HOXA3: variants seen among roughly 807,000 people sequenced by gnomAD.
HOXA3 encodes the protein homeobox A3, also known as homeobox protein Hox-A3.
A neutral mutation model predicts 30.3 loss-of-function variants in HOXA3; 8 were observed. The ratio of observed to expected loss-of-function variants is 0.26; its 90% CI spans 0.15 to 0.48. HOXA3 has a LOEUF of 0.48. Among genes scored for constraint, HOXA3 ranks in the 20% least tolerant of loss-of-function variants. The pLI is 0.99. For synonymous variants in HOXA3, 323 were observed against 273.1 expected, an observed-to-expected ratio of 1.18 and a Z score of -1.80; for missense variants, 653 against 614.4, an observed-to-expected ratio of 1.06 and a Z score of -0.66.
At position 27,147,753 on chromosome 7, in the gene HOXA3, C is replaced by T. The variant is rs758058929; in HGVS notation, c.-494+4535G>A. 8 of 1,602,024 alleles carry T rather than the reference C, an allele frequency of 5.0e-6. No homozygotes were observed. The East Asian group carries it at 8.9e-5, about 18-fold the overall frequency. ...GATTCACAAAATAGGAACTCATTTG[C>T]GCGCCCCTCTGCAGGACTGTGATTT... On this transcript the variant is annotated intron_variant, in intron 1 of 5. Coordinates refer to ENST00000612286, the MANE Select transcript of HOXA3 (RefSeq NM_153631.3).
intron 2 of HOXA3, chr7:27,130,005 G>T: frequency 7.9e-7 from 1 of 1,258,634 alleles, no homozygotes; most frequent in Non-Finnish European, 1.1e-6. Flanking sequence ...GGGTCAGATG[G>T]GGGCTCCCCT....
chr7:27,111,618 C>A (rs551296086), intron 4 of HOXA3, among the ~76,000 whole-genome samples: 6 of 152,216 alleles, frequency 3.9e-5, no homozygotes, highest in African/African-American at 9.6e-5. Context: ...CACTTCCCAG[C>A]AAGCCACCCC....
rs916640918 is a variant in HOXA3, at chr7:27,144,009, T to G, written c.-493-3823A>C. Among the ~76,000 whole-genome samples, 3 of 152,206 alleles carry G rather than the reference T, an allele frequency of 2.0e-5. No individual in the cohort carries two copies. The South Asian group carries it at 6.2e-4, about 31-fold the overall frequency. On this transcript the variant is annotated intron_variant, in intron 1 of 5. Coordinates refer to ENST00000612286, the MANE Select transcript of HOXA3 (RefSeq NM_153631.3). ...GAGGTTACAGCCCATTATGGCAAAATTATTGCATTTCCCTCGCAGTTCCAT... is the reference window on the plus strand; with the variant it reads ...GAGGTTACAGCCCATTATGGCAAAAGTATTGCATTTCCCTCGCAGTTCCAT...
chr7:27,107,769 C>G lies in HOXA3; in HGVS notation c.*146G>C. 1 of 553,604 alleles carries G rather than the reference C, an allele frequency of 1.8e-6. No individual in the cohort carries two copies. The allele number at this position is 553,604 out of a possible 1,614,324, so 34.3% of individuals were successfully genotyped here. The stretch of plus-strand genomic sequence containing the variant: ...AACGCCTTACCAACGAGGGGGGAAA[C>G]CGGGAAACGGAGTGCGGGGCGGAGA... On this transcript the variant is annotated 3_prime_UTR_variant, in exon 6 of 6. Transcript: ENST00000612286.
intron 2 of HOXA3, among the ~76,000 whole-genome samples, chr7:27,137,917 G>A (rs1055343241): frequency 6.6e-6 from 1 of 152,060 alleles, no homozygotes; most frequent in Admixed American, 6.6e-5. Flanking sequence ...TTCTGTGTAA[G>A]TAACTCAAAT....
intron 1 of HOXA3, chr7:27,143,556 C>G (rs1782651765): frequency 6.2e-7 from 1 of 1,608,066 alleles, no homozygotes. Context: ...AACTGGTAGT[C>G]CGGGCCATTT....
chr7:27,110,516 T>C lies in HOXA3; in HGVS notation c.125A>G (p.Asp42Gly). 6.2e-7 allele frequency: 1 copy of C among 1,606,080 alleles called. No individual in the cohort carries two copies. The highest frequency in any genetic ancestry group is 1.1e-5 in the South Asian group (1 of 90,888). Residue 42 changes from aspartate to glycine, a missense_variant, in exon 5 of 6, where the codon GAC becomes GGC. Coordinates refer to ENST00000612286, the MANE Select transcript of HOXA3 (RefSeq NM_153631.3). ...GCAGGCGGGTCGGTGGTACTCGCCG[T>C]CGGCGCCCAAAGCGGCGGACGCCGG... is the stretch of plus-strand genomic sequence containing the variant. ...PYPASAALGADGEYHRPACSL... is the reference protein window; with the variant it reads ...PYPASAALGAGGEYHRPACSL...
chr7:27,151,833 T>C (rs1782981968), intron 1 of HOXA3, among the ~76,000 whole-genome samples: 1 of 152,228 alleles, frequency 6.6e-6, no homozygotes, highest in South Asian at 2.1e-4. Context: ...TGGTCTCCTC[T>C]TGTTGGGGAA....
chr7:27,139,828 T>G (rs1782476935), intron 2 of HOXA3, among the ~76,000 whole-genome samples: 2 of 152,096 alleles, frequency 1.3e-5, no homozygotes, highest in Admixed American at 1.3e-4. Flanking sequence ...GCAGCGGAAG[T>G]CATTAACATC....
chr7:27,129,669 G>A (rs1396282703), intron 2 of HOXA3: 1 of 1,293,056 alleles, frequency 7.7e-7, no homozygotes, highest in Non-Finnish European at 1.1e-6. Context: ...AAGAGCAATT[G>A]GACATCATCA....
chr7:27,131,995 A>G (rs1283455079), intron 2 of HOXA3, among the ~76,000 whole-genome samples: 1 of 152,208 alleles, frequency 6.6e-6, no homozygotes, highest in Non-Finnish European at 1.5e-5. Context: ...GGGTACACTA[A>G]TTACGCCATT....
At chr7:27,149,879 A>T (rs12666919) in intron 1 of HOXA3, among the ~76,000 whole-genome samples, 128,256 of 152,242 alleles carry the variant, frequency 0.84, 54,243 homozygotes, top group Middle Eastern at 0.9. Flanking sequence ...TTTGGAGATG[A>T]CAATCAATGT....
chr7:27,114,919 G>A lies in HOXA3; in HGVS notation c.-120-4159C>T, dbSNP rs569887316. 9.2e-5 allele frequency among the ~76,000 whole-genome samples: 11 copies of A among 119,882 alleles called. No homozygotes were observed. The South Asian group carries it at 3.0e-3, about 33-fold the overall frequency. 78.6% of individuals were successfully genotyped at this position (119,882 alleles called of 152,430 possible). On this transcript the variant is annotated intron_variant, in intron 4 of 5. Coordinates refer to ENST00000612286, the MANE Select transcript of HOXA3 (RefSeq NM_153631.3). ...TTCCTCATTAGTGGGATGGAGTAAC[G>A]CTGAGCTGGGCAAAAGAAAGGTCCG...
rs1442593298 is a variant in HOXA3 at position 27,113,734 on chromosome 7, C to A, written c.-120-2974G>T. 6.6e-6 allele frequency: 1 copy of A among 152,206 alleles called. No homozygotes were observed. Among genetic ancestry groups the A allele is most frequent in the East Asian group, 1.9e-4 (1 of 5,166 alleles). The allele number at this position is 152,206 out of a possible 1,614,324, so 9.4% of individuals were successfully genotyped here. On this transcript the variant is annotated intron_variant, in intron 4 of 5. Coordinates refer to ENST00000612286, the MANE Select transcript of HOXA3 (RefSeq NM_153631.3). The surrounding 1 kb of genome is among the most constrained non-coding windows in gnomAD (Gnocchi z 4.8). ...CCCTCGGCGCGGGATGGGCACGGAC[C>A]CTCAGCATCAGCCGAGATGGCAGGC...
At chr7:27,134,052 A>G (rs1052683757) in intron 2 of HOXA3, 1 of 152,220 alleles carries the variant, frequency 6.6e-6, no homozygotes, top group African/African-American at 2.4e-5. Flanking sequence ...TATGGAATGT[A>G]TTGACTGTAT....
intron 1 of HOXA3, among the ~76,000 whole-genome samples, chr7:27,146,251 TTGTG>T (rs10685970): frequency 7.4e-5 from 11 of 149,080 alleles, no homozygotes; most frequent in South Asian, 4.3e-4. Flanking sequence ...GTGTGTGTGT[TTGTG>T]TGTGTGTGTG....
rs1300835427 is a variant in HOXA3, at chr7:27,108,585, C to A, written c.662G>T (p.Arg221Leu). Residue 221 changes from arginine (R) to leucine (L), a missense_variant, in exon 6 of 6, where the codon CGG becomes CTG. Coordinates refer to ENST00000612286, the MANE Select transcript of HOXA3 (RefSeq NM_153631.3). The surrounding 1 kb of genome is among the most constrained non-coding windows in gnomAD (Gnocchi z 5.0). ...HFNRYLCRPR[R>L]VEMANLLNLT... ...GTTCAGCAGATTGGCCATCTCCACC[C>A]GGCGCGGCCGGCACAGGTAGCGGTT... The A allele has an allele frequency of 1.2e-6, 2 of 1,614,162 alleles. No homozygotes were observed. The highest frequency in any genetic ancestry group is 1.7e-5 in the Admixed American group (1 of 60,022).
intron 1 of HOXA3, chr7:27,143,568 G>T (rs770322253): frequency 6.2e-7 from 1 of 1,603,180 alleles, no homozygotes; most frequent in Non-Finnish European, 8.5e-7. Context: ...GGGCCATTTG[G>T]ATAGCGACCG....
intron 4 of HOXA3, among the ~76,000 whole-genome samples, chr7:27,118,616 A>G (rs1247668977): frequency 6.6e-6 from 1 of 152,126 alleles, no homozygotes; most frequent in African/African-American, 2.4e-5. Flanking sequence ...CTCCACTTAT[A>G]TTTCTTTACA....
Sources: allele counts gnomAD v4.1 joint callset (sites outside exome capture counted in the v4.1 genomes callset), GRCh38; gene constraint gnomAD v4.1.1; non-coding constraint Gnocchi (gnomAD v3.1); transcripts MANE v1.5; gene names NCBI Gene and HGNC (gene_info 2026-07-23, HGNC 2026-07-21).